The following SLC37A1 variants were observed in gnomAD, a reference collection of about 807,000 sequenced individuals.
The protein encoded by SLC37A1 is solute carrier family 37 member 1.
SLC37A1 carries 49 observed loss-of-function variants against 75.3 expected under a neutral mutation model. That is an observed-to-expected ratio of 0.65 (90% CI 0.52 to 0.83). The LOEUF (loss-of-function observed/expected upper bound fraction) is 0.83. Ranked by LOEUF, SLC37A1 falls within the 40% of genes least tolerant of loss-of-function variation. SLC37A1 has a pLI of 0.00. For synonymous variants in SLC37A1, 268 were observed against 292.1 expected (o/e 0.92, Z 0.84); for missense variants, 566 against 695.0 (o/e 0.81, Z 2.09).
intron 2 of SLC37A1, among the ~76,000 whole-genome samples, chr21:42,524,155 C>T (rs775384814): frequency 9.9e-5 from 15 of 152,064 alleles, no homozygotes; most frequent in Non-Finnish European, 1.8e-4. Flanking sequence ...TTGTTGGTGG[C>T]GCCATTTGAA....
intron 3 of SLC37A1, among the ~76,000 whole-genome samples, chr21:42,526,695 C>T (rs1287460753): frequency 3.3e-5 from 5 of 152,236 alleles, no homozygotes; most frequent in Non-Finnish European, 5.9e-5. Context: ...AGGTTCCCCA[C>T]TCTCCAGCAG....
intron 11 of SLC37A1, among the ~76,000 whole-genome samples, chr21:42,559,997 G>A (rs973597071): frequency 6.6e-6 from 1 of 152,114 alleles, no homozygotes; most frequent in Non-Finnish European, 1.5e-5. Context: ...GGAAGAACGA[G>A]TAGCACAGGC....
At position 42,523,630 on chromosome 21, in the gene SLC37A1, G is replaced by T. The variant is rs376131016; in HGVS notation, c.57-2146G>T. Among the ~76,000 whole-genome samples, 125 of 152,370 alleles carry T rather than the reference G, an allele frequency of 8.2e-4. 3 individuals are homozygous for T. In the South Asian group the frequency reaches 0.023, roughly 28 times the overall value. On this transcript the variant is annotated intron_variant, in intron 2 of 19. Transcript: ENST00000352133. ...ACATAGCCTTTGTTCTTTGGGCTTT[G>T]GGATAAATGATAGGCTCGCCTTTTA...
At chr21:42,567,769 C>T (rs1229911409) in intron 16 of SLC37A1, among the ~76,000 whole-genome samples, 3 of 152,090 alleles carry the variant, frequency 2.0e-5, no homozygotes, top group Non-Finnish European at 4.4e-5. Context: ...CTCCTATTGT[C>T]CTCATTTTGG....
chr21:42,552,193 G>C lies in SLC37A1; in HGVS notation c.769-1869G>C, dbSNP rs1247303814. ...TCTTTTGATTTGTATTTGATTCCTAGGTTACTTAGGTTTAGGATATCTATT... is the reference window on the plus strand; with the variant it reads ...TCTTTTGATTTGTATTTGATTCCTACGTTACTTAGGTTTAGGATATCTATT... On this transcript the variant is annotated intron_variant, in intron 9 of 19. Coordinates refer to ENST00000352133, the MANE Select transcript of SLC37A1 (RefSeq NM_001320537.2). The surrounding 1 kb of genome is among the most constrained non-coding windows in gnomAD (Gnocchi z 4.2). 6.6e-6 allele frequency among the ~76,000 whole-genome samples: 1 copy of C among 152,166 alleles called. No homozygotes were observed. The highest frequency in any genetic ancestry group is 1.5e-5 in the Non-Finnish European group (1 of 68,044).
At chr21:42,540,388 GAA>G (rs896946162) in intron 6 of SLC37A1, among the ~76,000 whole-genome samples, 1 of 152,172 alleles carries the variant, frequency 6.6e-6, no homozygotes, top group African/African-American at 2.4e-5. Flanking sequence ...GCCTACAAAG[GAA>G]AACCTGCAGC....
chr21:42,580,607 C>G lies in SLC37A1; in HGVS notation c.*247C>G. The G allele has an allele frequency of 1.9e-6, 1 of 521,560 alleles. No individual in the cohort carries two copies. The highest frequency in any genetic ancestry group is 3.4e-6 in the Non-Finnish European group (1 of 295,336). The allele number at this position is 521,560 out of a possible 1,614,324, so 32.3% of individuals were successfully genotyped here. On this transcript the variant is annotated 3_prime_UTR_variant, in exon 20 of 20. Coordinates refer to ENST00000352133, the MANE Select transcript of SLC37A1 (RefSeq NM_001320537.2). ...TGAGCCAAGCCAGAGAACCGAAGAC[C>G]CGGCCGGCCCTGGCCTCACAGGCGT... is the stretch of plus-strand genomic sequence containing the variant.
In SLC37A1 at chr21:42,547,344, G is replaced by C. The variant is rs951396116; in HGVS notation, c.768+204G>C. On this transcript the variant is annotated intron_variant, in intron 9 of 19. Coordinates refer to ENST00000352133, the MANE Select transcript of SLC37A1 (RefSeq NM_001320537.2). The surrounding 1 kb of genome is among the most constrained non-coding windows in gnomAD (Gnocchi z 6.1). ...AACCTTATCAGCAAAACCCAGACAA[G>C]AGGTTCAATGCTGTCCAGATGAAGG... The C allele has an allele frequency of 3.1e-5, 18 of 587,896 alleles. No homozygotes were observed. In the African/African-American group the frequency reaches 3.2e-4, roughly 10 times the overall value. 36.4% of individuals were successfully genotyped at this position (587,896 alleles called of 1,614,324 possible). A position where few individuals can be genotyped will look rare whatever the true frequency, so the allele number is the denominator to read the frequency against.
chr21:42,535,341 A>G (rs755060558), intron 4 of SLC37A1, 131 bp from the exon 5 acceptor site: 11 of 726,848 alleles, frequency 1.5e-5, no homozygotes, highest in Non-Finnish European at 2.6e-5. Context: ...CTTGTTTTCT[A>G]TGTGGAAAAC....
chr21:42,551,464 T>G (rs755051154), intron 9 of SLC37A1, among the ~76,000 whole-genome samples: 15 of 152,334 alleles, frequency 9.8e-5, no homozygotes, highest in Middle Eastern at 3.4e-3. Context: ...AAAGGGGGGA[T>G]GACTGCTGAC....
upstream of SLC37A1, among the ~76,000 whole-genome samples, chr21:42,512,258 T>TA (rs1391658882): frequency 4.0e-5 from 6 of 149,652 alleles, no homozygotes; most frequent in African/African-American, 1.5e-4. Context: ...GCTGTCTCCA[T>TA]ATGAGGCCGA....
At chr21:42,499,676 C>T (rs1013471379) in exon 1 of SLC37A1, 2 of 152,148 alleles carry the variant, frequency 1.3e-5, no homozygotes, top group African/African-American at 4.8e-5. Context: ...GAGGGAGGGC[C>T]GAGGGGAAGG....
rs117512101 is a variant in SLC37A1 at position 42,523,638 on chromosome 21, T to C, written c.57-2138T>C. ...TTTGTTCTTTGGGCTTTGGGATAAA[T>C]GATAGGCTCGCCTTTTAGGGTTTCG... On this transcript the variant is annotated intron_variant, in intron 2 of 19. Coordinates refer to ENST00000352133, the MANE Select transcript of SLC37A1 (RefSeq NM_001320537.2). Among the ~76,000 whole-genome samples, 1,134 of 152,384 alleles carry C rather than the reference T, an allele frequency of 7.4e-3. 39 individuals are homozygous for C. The highest frequency in any genetic ancestry group is 0.061 in the Admixed American group (936 of 15,312).
At chr21:42,541,117 C>T (rs1054418816) in intron 6 of SLC37A1, among the ~76,000 whole-genome samples, 71 of 152,290 alleles carry the variant, frequency 4.7e-4, no homozygotes, top group Admixed American at 2.2e-3. Context: ...ATCAGGCATT[C>T]GATTCTCATA....
At chr21:42,550,531 AG>A (rs1310015299) in intron 9 of SLC37A1, among the ~76,000 whole-genome samples, 6 of 152,248 alleles carry the variant, frequency 3.9e-5, no homozygotes, top group Non-Finnish European at 8.8e-5. Flanking sequence ...TGGAAAGAAG[AG>A]CTAATACTAA....
At chr21:42,559,451 G>C (rs1601746635) in intron 11 of SLC37A1, among the ~76,000 whole-genome samples, 2 of 152,358 alleles carry the variant, frequency 1.3e-5, no homozygotes, top group East Asian at 3.9e-4. Context: ...TGTGCCACCT[G>C]GCCCCTGTGG....
rs2054478862 is a variant in SLC37A1 at position 42,514,221 on chromosome 21, A to G, written c.-675A>G. 1 of 151,808 alleles carries G rather than the reference A, an allele frequency of 6.6e-6. No individual in the cohort carries two copies. 9.4% of individuals were successfully genotyped at this position (151,808 alleles called of 1,614,324 possible). On this transcript the variant is annotated 5_prime_UTR_variant, in exon 1 of 20. The change abolishes an upstream ATG in the 5' untranslated region. Transcript: ENST00000352133. The surrounding 1 kb of genome is among the most constrained non-coding windows in gnomAD (Gnocchi z 4.8). Reference sequence around the variant, plus strand: ...TCTAGAAGAGTGGCCCTCGGCGACAATGCCGGGCGTTCCCGGACCGGGGCA... The same window carrying G: ...TCTAGAAGAGTGGCCCTCGGCGACAGTGCCGGGCGTTCCCGGACCGGGGCA...
At chr21:42,521,058 G>C (rs906421083) in intron 2 of SLC37A1, among the ~76,000 whole-genome samples, 1 of 152,240 alleles carries the variant, frequency 6.6e-6, no homozygotes, top group Admixed American at 6.5e-5. Flanking sequence ...GGGATGTGGA[G>C]CCGCTGCAGG....
intron 2 of SLC37A1, among the ~76,000 whole-genome samples, chr21:42,503,596 A>T (rs1038009355): frequency 3.3e-5 from 5 of 152,042 alleles, no homozygotes; most frequent in African/African-American, 9.7e-5. Flanking sequence ...TTTTCTCAGT[A>T]TGTCATTCAC....
Sources: gnomAD v4.1 joint callset for allele counts (sites outside exome capture counted in the v4.1 genomes callset) on GRCh38, gnomAD v4.1.1 for gene constraint, Gnocchi (gnomAD v3.1) non-coding constraint, MANE v1.5 for transcripts, NCBI Gene and HGNC (gene_info 2026-07-23, HGNC 2026-07-21) for gene names.